PINX1: variants seen among roughly 807,000 people sequenced by gnomAD.
The protein encoded by PINX1 is PIN2/TERF1-interacting telomerase inhibitor 1.
Under a neutral mutation model 25.4 loss-of-function variants are expected in PINX1, and 34 were observed. The observed-to-expected ratio is 1.34, with a 90% CI of 1.02 to 1.78. PINX1 has a LOEUF of 1.78. PINX1 is among the 40% of genes most tolerant of loss of function. The probability of loss-of-function intolerance (pLI) is 0.00; values close to 1 mark genes in which losing one functional copy is unlikely to be tolerated. For synonymous variants in PINX1, 197 were observed against 147.7 expected, an observed-to-expected ratio of 1.33 and a Z score of -2.42; for missense variants, 592 against 404.9, an observed-to-expected ratio of 1.46 and a Z score of -3.97.
rs567336578 is a variant in PINX1, at chr8:10,787,350, C to T, written c.472-21434G>A. The stretch of plus-strand genomic sequence containing the variant: ...CAAGCAATCCTCCCACCACAGCCCC[C>T]CAAGGAGCTGGGACTATAAGTGCAT... On this transcript the variant is annotated intron_variant, in intron 6 of 6. Transcript: ENST00000314787. Among the ~76,000 whole-genome samples, 10 of 151,940 alleles carry T rather than the reference C, an allele frequency of 6.6e-5. No homozygotes were observed. The South Asian group carries it at 1.5e-3, about 22-fold the overall frequency.
rs1243001450 is a variant in PINX1, at chr8:10,765,976, CCCA to C, written c.472-63_472-61del. On this transcript the variant is annotated intron_variant, in intron 6 of 6. Coordinates refer to ENST00000314787, the MANE Select transcript of PINX1 (RefSeq NM_017884.6). ...CATCAACTGTTCATCCCTCACCGCA[CCCA>C]GGAGGCACCCACACCCGGCGCTCAC... 5 of 1,537,944 alleles carry C rather than the reference CCCA, an allele frequency of 3.3e-6. No homozygotes were observed. In the African/African-American group the frequency reaches 6.9e-5, roughly 21 times the overall value.
chr8:10,789,648 C>A (rs563654709), intron 6 of PINX1, among the ~76,000 whole-genome samples: 40 of 152,196 alleles, frequency 2.6e-4, no homozygotes, highest in Admixed American at 5.9e-4. Flanking sequence ...CAACACATGT[C>A]ACAGGCCCAG....
chr8:10,793,352 G>A (rs1220100525), intron 6 of PINX1, among the ~76,000 whole-genome samples: 1 of 152,134 alleles, frequency 6.6e-6, no homozygotes, highest in Non-Finnish European at 1.5e-5. Flanking sequence ...CCTAGACCAG[G>A]GGTGTCCAAT....
At chr8:10,814,747 A>G (rs953119241) in intron 6 of PINX1, among the ~76,000 whole-genome samples, 3 of 152,344 alleles carry the variant, frequency 2.0e-5, no homozygotes, top group East Asian at 3.9e-4. Context: ...TTATGGCAAC[A>G]AAGTCCATTT....
intron 6 of PINX1, among the ~76,000 whole-genome samples, chr8:10,776,593 C>A (rs562115558): frequency 1.3e-4 from 20 of 152,102 alleles, no homozygotes; most frequent in Admixed American, 2.6e-4. Flanking sequence ...AATGGTAACA[C>A]AGAATCAAAA....
intron 6 of PINX1, among the ~76,000 whole-genome samples, chr8:10,789,706 T>C (rs192126685): frequency 8.5e-5 from 13 of 152,304 alleles, no homozygotes; most frequent in South Asian, 2.1e-4. Flanking sequence ...ACGTGTTCAA[T>C]TGTTTTTCAA....
At chr8:10,782,445 G>C (rs1427336458) in intron 6 of PINX1, among the ~76,000 whole-genome samples, 3 of 149,138 alleles carry the variant, frequency 2.0e-5, no homozygotes, top group Non-Finnish European at 4.5e-5. Flanking sequence ...TTTTTTTTAA[G>C]TACTCAGAGG....
intron 1 of PINX1, among the ~76,000 whole-genome samples, chr8:10,836,770 A>G (rs562208375): frequency 1.3e-5 from 2 of 152,292 alleles, no homozygotes; most frequent in East Asian, 1.9e-4. Context: ...TCTCCCGGAA[A>G]CTTTACTATG....
chr8:10,829,722 G>C (rs947374003), intron 4 of PINX1, among the ~76,000 whole-genome samples: 13 of 149,590 alleles, frequency 8.7e-5, no homozygotes, highest in African/African-American at 3.2e-4. Flanking sequence ...TTTCACTCTT[G>C]TTGCCCAGGC....
chr8:10,812,546 C>T (rs896982731), intron 6 of PINX1, among the ~76,000 whole-genome samples: 1 of 152,198 alleles, frequency 6.6e-6, no homozygotes, highest in South Asian at 2.1e-4. Context: ...GAGTTGTTAC[C>T]TTTCGATGAA....
intron 6 of PINX1, among the ~76,000 whole-genome samples, chr8:10,789,391 T>C (rs1393478390): frequency 6.6e-6 from 1 of 152,236 alleles, no homozygotes; most frequent in Middle Eastern, 3.2e-3. Flanking sequence ...GTCAAGCTAA[T>C]TAACACATGC....
At chr8:10,819,368 C>T (rs927622320) in intron 6 of PINX1, among the ~76,000 whole-genome samples, 4 of 152,174 alleles carry the variant, frequency 2.6e-5, no homozygotes, top group Non-Finnish European at 5.9e-5. Flanking sequence ...TCACCAAGGG[C>T]CCTGGCTACA....
chr8:10,786,917 C>G (rs11990229), intron 6 of PINX1, among the ~76,000 whole-genome samples: 4,198 of 152,176 alleles, frequency 0.028, 205 homozygotes, highest in African/African-American at 0.096. Context: ...CATGTCTATT[C>G]GACTGTCTTT....
intron 6 of PINX1, among the ~76,000 whole-genome samples, chr8:10,807,334 C>CA (rs1476229836): frequency 9.9e-6 from 1 of 101,308 alleles, no homozygotes; most frequent in Non-Finnish European, 1.9e-5. Flanking sequence ...CCCACCCCCC[C>CA]CCCCACCAAA....
intron 6 of PINX1, among the ~76,000 whole-genome samples, chr8:10,819,499 G>C (rs1020772409): frequency 6.6e-6 from 1 of 152,162 alleles, no homozygotes; most frequent in East Asian, 1.9e-4. Context: ...GTTATCTTTA[G>C]AAATCCATAA....
At chr8:10,837,341 G>C (rs944352609) in intron 1 of PINX1, among the ~76,000 whole-genome samples, 2 of 152,228 alleles carry the variant, frequency 1.3e-5, no homozygotes, top group South Asian at 2.1e-4. Context: ...GTGACTCCCT[G>C]GGGGAGGGCT....
intron 4 of PINX1, among the ~76,000 whole-genome samples, chr8:10,827,017 G>T (rs796122671): frequency 5.3e-5 from 8 of 152,268 alleles, no homozygotes; most frequent in African/African-American, 1.4e-4. Context: ...ATGAAAACTG[G>T]CTAAGGTTTG....
At chr8:10,771,974 C>T (rs994936844) in intron 6 of PINX1, among the ~76,000 whole-genome samples, 6 of 152,236 alleles carry the variant, frequency 3.9e-5, no homozygotes, top group African/African-American at 1.4e-4. Context: ...TCTCCTTCTG[C>T]TCTGTCATTC....
At chr8:10,834,483 A>G (rs6601534) in intron 2 of PINX1, 183 bp downstream of exon 2, 420,413 of 812,964 alleles carry the variant, frequency 0.52, 113,342 homozygotes, top group African/African-American at 0.73. Flanking sequence ...AAATGATAGA[A>G]AGTTGACACT....
Sources: allele counts gnomAD v4.1 joint callset (sites outside exome capture counted in the v4.1 genomes callset), GRCh38; gene constraint gnomAD v4.1.1; transcripts MANE v1.5; gene names NCBI Gene and HGNC (gene_info 2026-07-23, HGNC 2026-07-21).